Variants in IL1RAPL2 observed in about 807,000 individuals in gnomAD.
IL1RAPL2 encodes the protein interleukin 1 receptor accessory protein like 2, also known as X-linked interleukin-1 receptor accessory protein-like 2.
IL1RAPL2 carries 3 observed loss-of-function variants against 44.1 expected under a neutral mutation model. That is an observed-to-expected ratio of 0.07 (90% CI 0.03 to 0.18). IL1RAPL2 has a LOEUF of 0.18. Ranked by LOEUF, IL1RAPL2 falls within the 10% of genes least tolerant of loss-of-function variation. IL1RAPL2 has a pLI of 1.00. For missense variants in IL1RAPL2, 391 were observed against 496.4 expected, an observed-to-expected ratio of 0.79 and a Z score of 2.02; for synonymous variants, 181 against 178.8, an observed-to-expected ratio of 1.01 and a Z score of -0.10.
In IL1RAPL2 at chrX:104,682,515, A is replaced by T. The variant is rs1026001229; in HGVS notation, c.82+23520A>T. On this transcript the variant is annotated intron_variant, in intron 2 of 10. Coordinates refer to ENST00000372582, the MANE Select transcript of IL1RAPL2 (RefSeq NM_017416.2). ...AAATCTCTTGGAGATCATTTTGTCT[A>T]ATGTCTTCACCTCCACCTCTGTGAT... 7.1e-5 allele frequency among the ~76,000 whole-genome samples: 8 copies of T among 112,666 alleles called. No individual in the cohort carries two copies. The Admixed American group carries it at 7.5e-4, about 11-fold the overall frequency.
At chrX:105,305,515 T>G (rs755977220) in intron 5 of IL1RAPL2, among the ~76,000 whole-genome samples, 2 of 110,812 alleles carry the variant, frequency 1.8e-5, no homozygotes, top group Non-Finnish European at 3.8e-5. Flanking sequence ...TCCCCATCTC[T>G]CTCTTCCTTC....
chrX:104,573,104 T>C (rs185774487), intron 1 of IL1RAPL2, among the ~76,000 whole-genome samples: 94 of 112,100 alleles, frequency 8.4e-4, no homozygotes, highest in Non-Finnish European at 2.4e-4. Context: ...TGAGCTGCCT[T>C]TGAGATCTCA....
intron 1 of IL1RAPL2, among the ~76,000 whole-genome samples, chrX:104,634,283 A>G (rs1929736016): frequency 9.0e-6 from 1 of 111,640 alleles, no homozygotes; most frequent in Non-Finnish European, 1.9e-5. Flanking sequence ...CCATTTTGGA[A>G]TAAGTGCGGT....
chrX:105,525,166 T>C (rs2036587391), intron 6 of IL1RAPL2, among the ~76,000 whole-genome samples: 2 of 111,394 alleles, frequency 1.8e-5, no homozygotes, highest in African/African-American at 6.5e-5. Context: ...TTGTTAATTG[T>C]CTGAATGTAT....
intron 6 of IL1RAPL2, among the ~76,000 whole-genome samples, chrX:105,506,417 A>G (rs2036431459): frequency 9.0e-6 from 1 of 111,088 alleles, no homozygotes; most frequent in Non-Finnish European, 1.9e-5. Context: ...TGACAGAAGC[A>G]GTTAATTTTT....
intron 1 of IL1RAPL2, among the ~76,000 whole-genome samples, chrX:104,581,716 C>G (rs1187538157): frequency 9.0e-6 from 1 of 111,100 alleles, no homozygotes; most frequent in Non-Finnish European, 1.9e-5. Context: ...CACTAAGAAC[C>G]CGATAGGCTT....
At chrX:104,931,945 T>TGA (rs1228206088) in intron 2 of IL1RAPL2, among the ~76,000 whole-genome samples, 1 of 62,955 alleles carries the variant, frequency 1.6e-5, no homozygotes, top group Non-Finnish European at 3.4e-5. Flanking sequence ...TGGGAAACTA[T>TGA]GAGTGTGTGT....
chrX:105,497,547 A>G (rs746721869), intron 6 of IL1RAPL2, among the ~76,000 whole-genome samples: 1 of 111,968 alleles, frequency 8.9e-6, no homozygotes, highest in African/African-American at 3.2e-5. Context: ...TCTTCCAGAA[A>G]ATTGACGAGG....
chrX:104,805,496 G>GAA (rs1932916287), intron 2 of IL1RAPL2, among the ~76,000 whole-genome samples: 1 of 111,698 alleles, frequency 9.0e-6, no homozygotes, highest in Admixed American at 9.5e-5. Flanking sequence ...TTATTGAAAT[G>GAA]AAATGAGTGT....
chrX:105,452,995 C>T (rs1258622625), intron 5 of IL1RAPL2, among the ~76,000 whole-genome samples: 1 of 112,268 alleles, frequency 8.9e-6, no homozygotes, highest in East Asian at 2.8e-4. Context: ...GGTGCACATT[C>T]ACTATAAAAA....
At chrX:104,885,187 G>A (rs1923196912) in intron 2 of IL1RAPL2, among the ~76,000 whole-genome samples, 2 of 111,570 alleles carry the variant, frequency 1.8e-5, no homozygotes, top group Non-Finnish European at 3.8e-5. Context: ...TGAGAGTTTG[G>A]AGATACCTGG....
intron 3 of IL1RAPL2, among the ~76,000 whole-genome samples, chrX:105,206,446 C>G (rs1455675225): frequency 8.9e-6 from 1 of 111,788 alleles, no homozygotes; most frequent in Non-Finnish European, 1.9e-5. Context: ...AGAGCTCATA[C>G]ACATTATCAG....
chrX:104,690,427 A>C (rs763905069), intron 2 of IL1RAPL2, among the ~76,000 whole-genome samples: 1 of 112,320 alleles, frequency 8.9e-6, no homozygotes, highest in Non-Finnish European at 1.9e-5. Context: ...TGGCATGACT[A>C]TACTTCAAAC....
chrX:105,481,870 C>T (rs775716857), intron 5 of IL1RAPL2, among the ~76,000 whole-genome samples: 5 of 111,711 alleles, frequency 4.5e-5, no homozygotes, highest in African/African-American at 1.6e-4. Flanking sequence ...CTTCCTTCTG[C>T]CTGCCCATGA....
chrX:104,762,830 T>A (rs775990767), intron 2 of IL1RAPL2, among the ~76,000 whole-genome samples: 1 of 111,546 alleles, frequency 9.0e-6, no homozygotes, highest in Admixed American at 9.4e-5. Flanking sequence ...CACCAAGTCC[T>A]GAGACTACAC....
At chrX:105,184,046 G>A (rs5962473) in intron 2 of IL1RAPL2, among the ~76,000 whole-genome samples, 2,190 of 111,434 alleles carry the variant, frequency 0.02, 49 homozygotes, top group African/African-American at 0.068. Flanking sequence ...TATGGCTAGG[G>A]TTGCAGGAGA....
At chrX:105,331,087 A>C (rs1364777413) in intron 5 of IL1RAPL2, among the ~76,000 whole-genome samples, 9 of 111,659 alleles carry the variant, frequency 8.1e-5, no homozygotes, top group Non-Finnish European at 1.9e-5. Context: ...TGTAGGTATT[A>C]GCTTATATTA....
Position 104,607,067 on chromosome X carries a change from G to A in IL1RAPL2, c.-20+40016G>A, listed in dbSNP as rs147797866. On this transcript the variant is annotated intron_variant, in intron 1 of 10. Transcript: ENST00000372582. ...TATAGACCAATGGAACAGAACAGAG[G>A]CCTCGGGAACAACACCACACATCTA... Among the ~76,000 whole-genome samples, 71 of 111,172 alleles carry A rather than the reference G, an allele frequency of 6.4e-4. 1 individual carries two copies. Among genetic ancestry groups the A allele is most frequent in the Admixed American group, 2.4e-3 (25 of 10,435 alleles).
intron 2 of IL1RAPL2, among the ~76,000 whole-genome samples, chrX:104,721,164 C>A (rs1239453483): frequency 9.9e-5 from 11 of 111,476 alleles, no homozygotes; most frequent in Non-Finnish European, 1.9e-4. Context: ...TTTGACTGAG[C>A]AATCCCATTA....
Sources: allele counts gnomAD v4.1 joint callset (sites outside exome capture counted in the v4.1 genomes callset), GRCh38; gene constraint gnomAD v4.1.1; transcripts MANE v1.5; gene names NCBI Gene and HGNC (gene_info 2026-07-23, HGNC 2026-07-21).